The following ANXA4 variants were observed in gnomAD, a reference collection of about 807,000 sequenced individuals.
ANXA4 encodes 35-beta calcimedin.
Under a neutral mutation model 49.8 loss-of-function variants are expected in ANXA4, and 39 were observed. The ratio of observed to expected loss-of-function variants is 0.78; its 90% CI spans 0.61 to 1.02. The LOEUF is 1.02. Ranked by LOEUF, ANXA4 falls within the 50% of genes least tolerant of loss-of-function variation. The pLI is 0.00. For missense variants in ANXA4, 360 were observed against 410.1 expected (o/e 0.88, Z 1.05); for synonymous variants, 134 against 152.5 (o/e 0.88, Z 0.89).
intron 2 of ANXA4, among the ~76,000 whole-genome samples, chr2:69,784,912 C>T (rs573469009): frequency 9.9e-5 from 15 of 152,170 alleles, no homozygotes; most frequent in Non-Finnish European, 2.1e-4. Flanking sequence ...GGACACCAGT[C>T]GTATTGGATT....
intron 2 of ANXA4, among the ~76,000 whole-genome samples, chr2:69,679,037 AT>A (rs1393810762): frequency 1.3e-5 from 2 of 152,070 alleles, no homozygotes; most frequent in Admixed American, 1.3e-4. Context: ...TGCTTTAGCT[AT>A]TTTTTGAGTT....
upstream of ANXA4, among the ~76,000 whole-genome samples, chr2:69,737,824 C>A (rs2105458599): frequency 6.6e-6 from 1 of 152,194 alleles, no homozygotes; most frequent in African/African-American, 2.4e-5. Context: ...GTTTTCTTCT[C>A]CCCCTATACT....
At chr2:69,731,038 A>G (rs1341443157) in intron 3 of ANXA4, among the ~76,000 whole-genome samples, 2 of 152,212 alleles carry the variant, frequency 1.3e-5, no homozygotes, top group Admixed American at 1.3e-4. Flanking sequence ...AGAAGCCAAA[A>G]GCCACGATGT....
intron 2 of ANXA4, among the ~76,000 whole-genome samples, chr2:69,719,164 G>C (rs1669749212): frequency 6.6e-6 from 1 of 150,472 alleles, no homozygotes; most frequent in African/African-American, 2.4e-5. Flanking sequence ...TTTTAGTAGA[G>C]ACAAGGTTTC....
chr2:69,756,476 GT>G (rs1372338097), intron 1 of ANXA4, among the ~76,000 whole-genome samples: 2 of 152,118 alleles, frequency 1.3e-5, no homozygotes, highest in Non-Finnish European at 2.9e-5. Flanking sequence ...TTTAAAAAAA[GT>G]TTTTATTACT....
intron 2 of ANXA4, among the ~76,000 whole-genome samples, chr2:69,676,027 G>GATAATA (rs1008375536): frequency 1.3e-5 from 2 of 149,048 alleles, no homozygotes; most frequent in Non-Finnish European, 1.5e-5. Context: ...AAATAATAAT[G>GATAATA]ATAATAATAA....
chr2:69,681,877 C>T (rs1559074730), intron 2 of ANXA4, among the ~76,000 whole-genome samples: 1 of 151,712 alleles, frequency 6.6e-6, no homozygotes, highest in South Asian at 2.1e-4. Flanking sequence ...TGCTCTGTTG[C>T]CCAGGCTGGA....
intron 2 of ANXA4, among the ~76,000 whole-genome samples, chr2:69,665,234 G>A (rs571249788): frequency 6.4e-4 from 97 of 152,132 alleles, no homozygotes; most frequent in Non-Finnish European, 9.8e-4. Flanking sequence ...TGAAACCACC[G>A]TGCGGCAGAG....
At chr2:69,722,268 G>A (rs112678714) in intron 3 of ANXA4, among the ~76,000 whole-genome samples, 2 of 152,118 alleles carry the variant, frequency 1.3e-5, no homozygotes, top group African/African-American at 4.8e-5. Context: ...ATAATTATAG[G>A]TATATACTCA....
intron 2 of ANXA4, among the ~76,000 whole-genome samples, chr2:69,784,425 T>A (rs963659275): frequency 1.3e-5 from 2 of 152,240 alleles, no homozygotes; most frequent in Non-Finnish European, 2.9e-5. Flanking sequence ...CAAAAATTTT[T>A]CAATACGGAA....
At chr2:69,703,096 C>A (rs1195582626) in intron 2 of ANXA4, among the ~76,000 whole-genome samples, 1 of 152,104 alleles carries the variant, frequency 6.6e-6, no homozygotes, top group Non-Finnish European at 1.5e-5. Context: ...ATTTCCCTGC[C>A]CCCTTTCTCA....
chr2:69,713,102 C>T (rs1180950093), intron 2 of ANXA4, among the ~76,000 whole-genome samples: 2 of 152,120 alleles, frequency 1.3e-5, no homozygotes, highest in Non-Finnish European at 2.9e-5. Flanking sequence ...TGCCATCTGA[C>T]TCCAAAGCCT....
intron 1 of ANXA4, among the ~76,000 whole-genome samples, chr2:69,765,020 C>A (rs1449019814): frequency 6.6e-6 from 1 of 152,070 alleles, no homozygotes; most frequent in Non-Finnish European, 1.5e-5. Flanking sequence ...GAATTTCCTT[C>A]CTCTGTAAGG....
intron 3 of ANXA4, among the ~76,000 whole-genome samples, chr2:69,732,013 C>T (rs1670115068): frequency 7.9e-6 from 1 of 126,572 alleles, no homozygotes; most frequent in African/African-American, 3.3e-5. Flanking sequence ...TGGAGTCTGG[C>T]TCTGTCGCCC....
At chr2:69,742,468 T>C (rs571717978) in intron 1 of ANXA4, among the ~76,000 whole-genome samples, 1 of 152,352 alleles carries the variant, frequency 6.6e-6, no homozygotes, top group East Asian at 1.9e-4. Context: ...ACGGCAGTTA[T>C]TTATTCAGTC....
intron 3 of ANXA4, among the ~76,000 whole-genome samples, chr2:69,729,134 T>C (rs988009000): frequency 1.8e-4 from 27 of 152,160 alleles, no homozygotes; most frequent in African/African-American, 6.0e-4. Context: ...GTGCCTCAGC[T>C]TCCCAAGTAG....
chr2:69,708,533 A>G (rs1170594032), intron 2 of ANXA4, among the ~76,000 whole-genome samples: 2 of 149,506 alleles, frequency 1.3e-5, no homozygotes, highest in Non-Finnish European at 3.0e-5. Flanking sequence ...AGAAGAAAGA[A>G]AGAGAGAGAG....
intron 3 of ANXA4, among the ~76,000 whole-genome samples, chr2:69,728,160 A>T (rs563099443): frequency 6.6e-6 from 1 of 152,330 alleles, no homozygotes; most frequent in Admixed American, 6.5e-5. Flanking sequence ...CTGTACTGTT[A>T]CTATTTTATT....
chr2:69,694,609 T>C (rs941998546), intron 2 of ANXA4, among the ~76,000 whole-genome samples: 35 of 145,004 alleles, frequency 2.4e-4, no homozygotes, highest in African/African-American at 9.0e-4. Flanking sequence ...CACCTATGAG[T>C]GAGAACATGT....
Sources: gnomAD v4.1 joint callset for allele counts (sites outside exome capture counted in the v4.1 genomes callset) on GRCh38, gnomAD v4.1.1 for gene constraint, MANE v1.5 for transcripts, NCBI Gene and HGNC (gene_info 2026-07-23, HGNC 2026-07-21) for gene names.